NELFB: variants seen among roughly 807,000 people sequenced by gnomAD.
NELFB encodes negative elongation factor B.
A neutral mutation model predicts 60.2 loss-of-function variants in NELFB; 34 were observed. The ratio of observed to expected loss-of-function variants is 0.56; its 90% CI spans 0.43 to 0.75. NELFB has a LOEUF of 0.75. Ranked by LOEUF, NELFB falls within the 30% of genes least tolerant of loss-of-function variation. The pLI is 0.00. For missense variants in NELFB, 770 were observed against 831.6 expected (o/e 0.93, Z 0.91); for synonymous variants, 459 against 382.1 (o/e 1.20, Z -2.35).
chr9:137,260,524 CT>C (rs1645677662), intron 4 of NELFB, among the ~76,000 whole-genome samples: 1 of 150,108 alleles, frequency 6.7e-6, no homozygotes, highest in Non-Finnish European at 1.5e-5. Flanking sequence ...GTGATCTCAG[CT>C]CACTGCAACC....
At chr9:137,260,198 C>A (rs1830415860) in intron 4 of NELFB, among the ~76,000 whole-genome samples, 1 of 150,342 alleles carries the variant, frequency 6.7e-6, no homozygotes, top group Non-Finnish European at 1.5e-5. Context: ...TACAGGCGCC[C>A]ACCACCACGC....
chr9:137,260,001 A>G (rs1469785234), intron 4 of NELFB, among the ~76,000 whole-genome samples: 2 of 151,366 alleles, frequency 1.3e-5, no homozygotes, highest in Admixed American at 6.6e-5. Context: ...AAGTGTTGGG[A>G]TTATGGGCGT....
intron 4 of NELFB, among the ~76,000 whole-genome samples, chr9:137,260,412 T>TTATTG (rs1223061826): frequency 1.3e-5 from 2 of 149,288 alleles, no homozygotes; most frequent in Non-Finnish European, 3.0e-5. Context: ...TTTATTTATT[T>TTATTG]TATTTTAATT....
At chr9:137,264,425 G>A (rs966643705) in intron 6 of NELFB, 68 bp downstream of exon 6, 32 of 1,148,950 alleles carry the variant, frequency 2.8e-5, no homozygotes, top group Non-Finnish European at 3.6e-5. Context: ...CGCTTGCTGT[G>A]TTTTGCCGTG....
chr9:137,262,905 G>T (rs1830467039), intron 4 of NELFB, 132 bp from the exon 5 acceptor site: 2 of 847,290 alleles, frequency 2.4e-6, no homozygotes, highest in Non-Finnish European at 1.8e-6. Flanking sequence ...AATGAGAGGA[G>T]GGAATGTTTT....
intron 4 of NELFB, among the ~76,000 whole-genome samples, chr9:137,257,991 G>A (rs770713888): frequency 6.6e-6 from 1 of 151,900 alleles, no homozygotes; most frequent in African/African-American, 2.4e-5. Flanking sequence ...TTTTTGTAGA[G>A]GTGGGGTCTG....
At chr9:137,259,943 G>C (rs970508517) in intron 4 of NELFB, among the ~76,000 whole-genome samples, 31 of 151,196 alleles carry the variant, frequency 2.1e-4, no homozygotes, top group Admixed American at 5.9e-4. Context: ...TGTTAGCCAG[G>C]ATGGTCTCAA....
rs549066451 is a variant in NELFB, at chr9:137,266,013, C to T, written c.1143+34C>T. ...GGGCTTGGCCAGCAGCTGTCGGGGC[C>T]ATGCGGCCACTCCGCTGGCTGCTCT... On this transcript the variant is annotated intron_variant, in intron 7 of 12. Coordinates refer to ENST00000343053, the MANE Select transcript of NELFB (RefSeq NM_015456.5). 8 of 1,495,126 alleles carry T rather than the reference C, an allele frequency of 5.4e-6. No individual in the cohort carries two copies. In the East Asian group the frequency reaches 1.1e-4, roughly 21 times the overall value. 92.6% of individuals were successfully genotyped at this position (1,495,126 alleles called of 1,614,324 possible). A position where few individuals can be genotyped will look rare whatever the true frequency, so the allele number is the denominator to read the frequency against.
At chr9:137,257,932 A>G (rs900831537) in intron 4 of NELFB, among the ~76,000 whole-genome samples, 1 of 151,430 alleles carries the variant, frequency 6.6e-6, no homozygotes, top group Non-Finnish European at 1.5e-5. Flanking sequence ...AGTAGCTGGG[A>G]CCACAGGCAC....
rs528096604 is a variant in NELFB at position 137,271,686 on chromosome 9, T to C, written c.1490-395T>C. On this transcript the variant is annotated intron_variant, in intron 10 of 12. Transcript: ENST00000343053. ...GCGCCGGCCCTGTATTTGTTAGGCT[T>C]GTTTCTCCTGGGCTCGGCTGCTGGG... 8.5e-5 allele frequency among the ~76,000 whole-genome samples: 13 copies of C among 152,338 alleles called. No individual in the cohort carries two copies. In the South Asian group the frequency reaches 2.7e-3, roughly 32 times the overall value.
intron 5 of NELFB, among the ~76,000 whole-genome samples, chr9:137,263,825 C>T (rs1048207110): frequency 2.0e-5 from 3 of 152,144 alleles, no homozygotes; most frequent in African/African-American, 4.8e-5. Context: ...GGCCTGTGGC[C>T]CTCCCCTTCC....
In NELFB at chr9:137,272,426, C is replaced by T. The variant is rs1320896205; in HGVS notation, c.1632-81C>T. On this transcript the variant is annotated intron_variant, in intron 11 of 12. Coordinates refer to ENST00000343053, the MANE Select transcript of NELFB (RefSeq NM_015456.5). The stretch of plus-strand genomic sequence containing the variant: ...GCTGGCCATGTCCTGTCTCCAGGGG[C>T]CTTGGCCACCTGCATCTGGGCTGGG... The T allele has an allele frequency of 1.4e-5, 20 of 1,470,168 alleles. No homozygotes were observed. In the Admixed American group the frequency reaches 3.9e-4, roughly 29 times the overall value. The allele number at this position is 1,470,168 out of a possible 1,614,324, so 91.1% of individuals were successfully genotyped here.
At position 137,265,997 on chromosome 9, in the gene NELFB, C is replaced by CA; in HGVS notation, c.1143+19dup. The CA allele has an allele frequency of 6.3e-7, 1 of 1,584,544 alleles. No homozygotes were observed. ...TGCCCAGGGTGAGTGTGGGCTTGGC[C>CA]AGCAGCTGTCGGGGCCATGCGGCCA... On this transcript the variant is annotated intron_variant, in intron 7 of 12. Transcript: ENST00000343053.
chr9:137,266,779 G>A (rs979973695), intron 8 of NELFB, among the ~76,000 whole-genome samples, 165 bp from the exon 9 acceptor site: 1 of 152,032 alleles, frequency 6.6e-6, no homozygotes, highest in African/African-American at 2.4e-5. Flanking sequence ...TGGCCTGGGT[G>A]GGGGACTCGG....
At chr9:137,256,704 T>C in intron 3 of NELFB, 120 bp from the exon 4 acceptor site, 1 of 887,540 alleles carries the variant, frequency 1.1e-6, no homozygotes, top group Non-Finnish European at 1.7e-6. Context: ...CAGTCATAGG[T>C]GCCCTGTGGG....
rs1564444248 is a variant in NELFB at position 137,265,386 on chromosome 9, G to GTTTTTTT, written c.1041-491_1041-490insTTTTTTT. Among the ~76,000 whole-genome samples the GTTTTTTT allele has an allele frequency of 6.5e-4, 33 of 50,960 alleles. 3 individuals are homozygous for GTTTTTTT. The highest frequency in any genetic ancestry group is 2.0e-3 in the South Asian group (2 of 1,024). 33.4% of individuals were successfully genotyped at this position (50,960 alleles called of 152,430 possible). A position where few individuals can be genotyped will look rare whatever the true frequency, so the allele number is the denominator to read the frequency against. On this transcript the variant is annotated intron_variant, in intron 6 of 12. Coordinates refer to ENST00000343053, the MANE Select transcript of NELFB (RefSeq NM_015456.5). ...GTTAAGGACAAATTGCAAACCTTAAGCTTTTTTTTTTTTTTTTTTTGAGAC... is the reference window on the plus strand; with the variant it reads ...GTTAAGGACAAATTGCAAACCTTAAGTTTTTTTCTTTTTTTTTTTTTTTTTTTGAGAC...
rs762941941 is a variant in NELFB, at chr9:137,256,827, C to A, written c.514C>A (p.Pro172Thr). ...GGCAGCCTGTGGTGTCATGTAGGTT[C>A]CGGAGAAAAAACTGAAGCTGGTTAT... The change falls in exon 4 of 13, where the codon CCG (proline) becomes ACG (threonine). Residue 172 changes from proline to threonine, a missense_variant. Pro to Thr is a conservative substitution (Grantham distance 38). Coordinates refer to ENST00000343053, the MANE Select transcript of NELFB (RefSeq NM_015456.5). 9.9e-6 allele frequency: 16 copies of A among 1,613,974 alleles called. No homozygotes were observed. Among genetic ancestry groups the A allele is most frequent in the Non-Finnish European group, 1.4e-5 (16 of 1,179,946 alleles).
intron 4 of NELFB, among the ~76,000 whole-genome samples, chr9:137,260,315 G>T (rs1830420658): frequency 1.3e-5 from 2 of 151,354 alleles, no homozygotes; most frequent in Non-Finnish European, 2.9e-5. Flanking sequence ...CTCCCAAAGT[G>T]CTGGGATTAC....
intron 12 of NELFB, 21 bp from the exon 13 acceptor site, chr9:137,272,761 C>G (rs767592326): frequency 6.5e-7 from 1 of 1,533,364 alleles, no homozygotes; most frequent in South Asian, 1.2e-5. Flanking sequence ...CTCGCCTGCC[C>G]CATGGTGTGG....
Sources: allele counts gnomAD v4.1 joint callset (sites outside exome capture counted in the v4.1 genomes callset), GRCh38; gene constraint gnomAD v4.1.1; transcripts MANE v1.5; gene names NCBI Gene and HGNC (gene_info 2026-07-23, HGNC 2026-07-21).